The following PEX14 variants were observed in gnomAD, a reference collection of about 807,000 sequenced individuals.
PEX14 encodes the protein peroxisomal membrane protein PEX14.
PEX14 carries 15 observed loss-of-function variants against 49.5 expected under a neutral mutation model. The ratio of observed to expected loss-of-function variants is 0.30; its 90% CI spans 0.20 to 0.47. The LOEUF (loss-of-function observed/expected upper bound fraction) is 0.47, where lower values mean the gene tolerates loss of function less well. Ranked by LOEUF, PEX14 falls within the 20% of genes least tolerant of loss-of-function variation. The pLI is 1.00. For synonymous variants in PEX14, 210 were observed against 212.7 expected (o/e 0.99, Z 0.11); for missense variants, 398 against 494.8 (o/e 0.80, Z 1.86).
At chr1:10,556,635 GGGCTGTTTCTTCTAC>G (rs1168906944) in intron 3 of PEX14, among the ~76,000 whole-genome samples, 1 of 152,100 alleles carries the variant, frequency 6.6e-6, no homozygotes, top group East Asian at 1.9e-4. Flanking sequence ...CAGGGTTGCC[GGGCTGTTTCTTCTAC>G]GGCTTCATTG....
intron 2 of PEX14, among the ~76,000 whole-genome samples, chr1:10,505,586 C>G (rs1027191030): frequency 6.6e-5 from 10 of 151,904 alleles, no homozygotes; most frequent in African/African-American, 2.4e-4. Context: ...CCGTGTTGGC[C>G]AGGCTGGTCA....
At chr1:10,580,720 T>G (rs1028641485) in intron 3 of PEX14, among the ~76,000 whole-genome samples, 1 of 152,012 alleles carries the variant, frequency 6.6e-6, no homozygotes, top group Non-Finnish European at 1.5e-5. Flanking sequence ...AAAAAAATAC[T>G]AAGAAATATT....
rs139450381 is a variant in PEX14, at chr1:10,516,029, T to C, written c.85-20184T>C. Among the ~76,000 whole-genome samples the C allele has an allele frequency of 6.4e-3, 972 of 152,312 alleles. 11 individuals are homozygous for C. Among genetic ancestry groups the C allele is most frequent in the South Asian group, 0.011 (51 of 4,828 alleles). ...TTACTTTGATTTGAGGGTTTAACCA[T>C]TGGGTAGACTGATGCTACTGTTTTT... is the stretch of plus-strand genomic sequence containing the variant. On this transcript the variant is annotated intron_variant, in intron 2 of 8. Transcript: ENST00000356607.
At chr1:10,548,320 A>G (rs1218439820) in intron 3 of PEX14, among the ~76,000 whole-genome samples, 1 of 152,214 alleles carries the variant, frequency 6.6e-6, no homozygotes, top group African/African-American at 2.4e-5. Context: ...AAGGGTAGAC[A>G]AGAGAGTTTC....
In PEX14 at chr1:10,628,327, G is replaced by A. The variant is rs1361853924; in HGVS notation, c.677+964G>A. On this transcript the variant is annotated intron_variant, in intron 8 of 8. Coordinates refer to ENST00000356607, the MANE Select transcript of PEX14 (RefSeq NM_004565.3). This position sits in a 1 kb window ranked among gnomAD's most constrained non-coding sequence, Gnocchi z 4.5. ...GCCATCCTCCTGGGCTGATGCCCTA[G>A]TGGGCCTTGCATGGGGTGTCCTTGT... Among the ~76,000 whole-genome samples, 2 of 152,272 alleles carry A rather than the reference G, an allele frequency of 1.3e-5. No individual in the cohort carries two copies. Among genetic ancestry groups the A allele is most frequent in the Non-Finnish European group, 2.9e-5 (2 of 68,048 alleles).
chr1:10,513,024 G>A (rs891095441), intron 2 of PEX14, among the ~76,000 whole-genome samples: 5 of 152,258 alleles, frequency 3.3e-5, no homozygotes, highest in African/African-American at 1.2e-4. Context: ...AAAGGCCTTT[G>A]GTCTCTTTTG....
At chr1:10,484,645 T>G (rs2124378287) in intron 1 of PEX14, among the ~76,000 whole-genome samples, 1 of 151,876 alleles carries the variant, frequency 6.6e-6, no homozygotes, top group South Asian at 2.1e-4. Context: ...TCATGGTTTC[T>G]GTGGGTCAGG....
chr1:10,482,063 A>T (rs910066688), intron 1 of PEX14, among the ~76,000 whole-genome samples: 5 of 151,980 alleles, frequency 3.3e-5, no homozygotes, highest in African/African-American at 1.2e-4. Context: ...GAGCTCAACC[A>T]GTCTGCCCGT....
chr1:10,476,451 T>C (rs571416740), intron 1 of PEX14, among the ~76,000 whole-genome samples: 4 of 152,260 alleles, frequency 2.6e-5, no homozygotes, highest in African/African-American at 9.6e-5. Flanking sequence ...CTGAATTGTT[T>C]TGTGTTAGGA....
chr1:10,490,347 T>G (rs1570142472), intron 1 of PEX14, among the ~76,000 whole-genome samples: 2 of 152,152 alleles, frequency 1.3e-5, no homozygotes, highest in African/African-American at 4.8e-5. Context: ...ACTGGGCAGA[T>G]GCAGGATGGG....
chr1:10,475,471 T>C (rs1641179629), intron 1 of PEX14, among the ~76,000 whole-genome samples: 1 of 152,206 alleles, frequency 6.6e-6, no homozygotes, highest in South Asian at 2.1e-4. Flanking sequence ...TGGTCACCTT[T>C]GCGCTTCTCT....
rs1205327964 is a variant in PEX14 at position 10,595,551 on chromosome 1, G to A, written c.170-3687G>A. ...TAAAGGCTTAGTGCCAGTGGTGTCA[G>A]GTAATGCATATTGATACCTCAACTA... On this transcript the variant is annotated intron_variant, in intron 3 of 8. Transcript: ENST00000356607. 3.3e-5 allele frequency among the ~76,000 whole-genome samples: 5 copies of A among 152,322 alleles called. No homozygotes were observed. In the East Asian group the frequency reaches 9.6e-4, roughly 29 times the overall value.
In PEX14 at chr1:10,495,311, G is replaced by T; in HGVS notation, c.74G>T (p.Arg25Leu). 1 of 1,613,530 alleles carries T rather than the reference G, an allele frequency of 6.2e-7. No individual in the cohort carries two copies. Among genetic ancestry groups the T allele is most frequent in the Non-Finnish European group, 8.5e-7 (1 of 1,179,594 alleles). Residue 25 changes from arginine (R) to leucine (L), a missense_variant, in exon 2 of 9, where the codon CGA becomes CTA. By Grantham distance (102) the Arg-to-Leu change is moderately radical (BLOSUM62 -2). Around this residue, in one of 3 missense-constraint regions of PEX14, gnomAD observed 56 missense variants for 40.8 expected, o/e 1.37. Transcript: ENST00000356607. The surrounding 1 kb of genome is among the most constrained non-coding windows in gnomAD (Gnocchi z 4.2). ...STPGSENVLP[R>L]EPLIATAVKF... is the part of the protein sequence containing the mutation. ...CCAGGAAGTGAAAATGTGCTGCCTCGAGAGCCGCTGGTAAGTACCCAAGAT... is the reference window on the plus strand; with the variant it reads ...CCAGGAAGTGAAAATGTGCTGCCTCTAGAGCCGCTGGTAAGTACCCAAGAT...
At chr1:10,581,752 TATAATTTATAAATTTATA>T (rs1640328324) in intron 3 of PEX14, among the ~76,000 whole-genome samples, 1 of 106,112 alleles carries the variant, frequency 9.4e-6, no homozygotes, top group Non-Finnish European at 2.2e-5. Context: ...TTATTTAATT[TATAATTTATAAATTTATA>T]ATAATTTATA....
chr1:10,567,219 A>G (rs1408509897), intron 3 of PEX14, among the ~76,000 whole-genome samples: 1 of 152,202 alleles, frequency 6.6e-6, no homozygotes, highest in African/African-American at 2.4e-5. Context: ...AAAATAGACA[A>G]TGGGCTAAAT....
intron 4 of PEX14, among the ~76,000 whole-genome samples, chr1:10,603,167 C>T (rs1272193508): frequency 6.6e-6 from 1 of 152,192 alleles, no homozygotes; most frequent in African/African-American, 2.4e-5. Flanking sequence ...GCAGAGAGAA[C>T]GTAGAGACCT....
intron 4 of PEX14, among the ~76,000 whole-genome samples, chr1:10,606,073 TGTTA>T (rs1641117985): frequency 6.6e-6 from 1 of 152,206 alleles, no homozygotes; most frequent in South Asian, 2.1e-4. Context: ...GCTGACAGTG[TGTTA>T]GTTTTAGAAA....
At position 10,494,062 on chromosome 1, in the gene PEX14, C is replaced by T. The variant is rs1438147858; in HGVS notation, c.37-1212C>T. On this transcript the variant is annotated intron_variant, in intron 1 of 8. Coordinates refer to ENST00000356607, the MANE Select transcript of PEX14 (RefSeq NM_004565.3). This position sits in a 1 kb window ranked among gnomAD's most constrained non-coding sequence, Gnocchi z 4.3. ...GGAAGCTTGCTCACATTCCCTGAGA[C>T]GGACCCTCACTTTCTAGATCGTTTC... is the stretch of plus-strand genomic sequence containing the variant. Among the ~76,000 whole-genome samples, 1 of 152,184 alleles carries T rather than the reference C, an allele frequency of 6.6e-6. No homozygotes were observed. Among genetic ancestry groups the T allele is most frequent in the Non-Finnish European group, 1.5e-5 (1 of 68,026 alleles).
intron 4 of PEX14, among the ~76,000 whole-genome samples, chr1:10,608,252 C>T (rs1641178240): frequency 1.3e-5 from 2 of 152,150 alleles, no homozygotes; most frequent in Admixed American, 6.5e-5. Context: ...AGTTAATTTT[C>T]GTGAATGGTG....
Sources: allele counts gnomAD v4.1 joint callset (sites outside exome capture counted in the v4.1 genomes callset), GRCh38; gene constraint gnomAD v4.1.1; regional missense constraint gnomAD v4.1.1; non-coding constraint Gnocchi (gnomAD v3.1); transcripts MANE v1.5; gene names NCBI Gene and HGNC (gene_info 2026-07-23, HGNC 2026-07-21).